GABPB2: variants seen among roughly 807,000 people sequenced by gnomAD.
GABPB2 encodes GA binding protein transcription factor subunit beta 2, also known as GA-binding protein subunit beta-2.
A neutral mutation model predicts 39.1 loss-of-function variants in GABPB2; 23 were observed. The observed-to-expected ratio is 0.59, with a 90% CI of 0.42 to 0.83. The LOEUF (loss-of-function observed/expected upper bound fraction) is 0.83, where lower values mean the gene tolerates loss of function less well. Ranked by LOEUF, GABPB2 falls within the 40% of genes least tolerant of loss-of-function variation. The pLI, the probability that GABPB2 is intolerant of heterozygous loss-of-function variation, is 0.00. For synonymous variants in GABPB2, 184 were observed against 199.3 expected, an observed-to-expected ratio of 0.92 and a Z score of 0.65; for missense variants, 467 against 541.1, an observed-to-expected ratio of 0.86 and a Z score of 1.36.
intron 2 of GABPB2, 121 bp from the exon 3 acceptor site, chr1:151,090,285 A>T: frequency 7.3e-6 from 7 of 958,806 alleles, no homozygotes; most frequent in Non-Finnish European, 9.1e-6. Context: ...TTTCAGTTTT[A>T]TCTGCCCAAC....
In GABPB2 at chr1:151,098,019, A is replaced by G. The variant is rs968026778; in HGVS notation, c.622+17A>G. 3 of 1,611,342 alleles carry G rather than the reference A, an allele frequency of 1.9e-6. No individual in the cohort carries two copies. The highest frequency in any genetic ancestry group is 2.5e-6 in the Non-Finnish European group (3 of 1,177,964). ...CAACCTCAGGTAATGTTCTGATAAC[A>G]TGAAATTTATTTTAGACTCAAAAAA... is the stretch of plus-strand genomic sequence containing the variant. On this transcript the variant is annotated intron_variant, in intron 5 of 8. Transcript: ENST00000368918.
rs148623396 is a variant in GABPB2 at position 151,103,640 on chromosome 1, C to A, written c.701C>A (p.Ala234Glu). The A allele has an allele frequency of 3.2e-5, 51 of 1,613,882 alleles. No individual in the cohort carries two copies. The highest frequency in any genetic ancestry group is 1.7e-6 in the Non-Finnish European group (2 of 1,179,888). ...GCTACCCTTGCAGCTCTTGCTGAGG[C>A]ATCAGTCCCCCTCTCCAACTCACAC... ...VLATLAALAE[A>E]SVPLSNSHRA... Residue 234 changes from alanine to glutamate, a missense_variant, in exon 6 of 9, where the codon GCA becomes GAA. Physicochemically the swap from Ala to Glu is moderately radical, Grantham distance 107 (BLOSUM62 -1). Transcript: ENST00000368918.
chr1:151,108,666 T>G (rs1304610535), intron 7 of GABPB2, among the ~76,000 whole-genome samples: 1 of 152,102 alleles, frequency 6.6e-6, no homozygotes, highest in African/African-American at 2.4e-5. Context: ...CATGCCCAGC[T>G]ATATTCAGAC....
rs948312408 is a variant in GABPB2 at position 151,104,861 on chromosome 1, C to A, written c.736+1186C>A. ...CTCTCTCTTTCTTTCTTTCTTTCTCCTTCCCTCCCTCCCTCTCTCTCTCTC... is the reference window on the plus strand; with the variant it reads ...CTCTCTCTTTCTTTCTTTCTTTCTCATTCCCTCCCTCCCTCTCTCTCTCTC... On this transcript the variant is annotated intron_variant, in intron 6 of 8. Coordinates refer to ENST00000368918, the MANE Select transcript of GABPB2 (RefSeq NM_144618.3). 7.6e-5 allele frequency among the ~76,000 whole-genome samples: 10 copies of A among 131,524 alleles called. No homozygotes were observed. The Admixed American group carries it at 8.4e-4, about 11-fold the overall frequency. 86.3% of individuals were successfully genotyped at this position (131,524 alleles called of 152,430 possible).
At chr1:151,090,623 T>A in intron 3 of GABPB2, 50 bp downstream of exon 3, 3 of 1,565,866 alleles carry the variant, frequency 1.9e-6, no homozygotes, top group Non-Finnish European at 2.6e-6. Context: ...GCATCCACTT[T>A]CCTGTTTTCT....
chr1:151,072,575 G>A (rs1398732098), intron 1 of GABPB2, among the ~76,000 whole-genome samples: 1 of 152,186 alleles, frequency 6.6e-6, no homozygotes, highest in Non-Finnish European at 1.5e-5. Context: ...GCCGGGCGTG[G>A]TGGCTCTGGC....
chr1:151,112,971 G>A (rs903721566), intron 7 of GABPB2, among the ~76,000 whole-genome samples: 2 of 151,552 alleles, frequency 1.3e-5, no homozygotes, highest in African/African-American at 2.4e-5. Flanking sequence ...TAGAGACAGG[G>A]TTTCACCATG....
At chr1:151,083,363 G>A (rs1392783470) in intron 1 of GABPB2, among the ~76,000 whole-genome samples, 1 of 152,206 alleles carries the variant, frequency 6.6e-6, no homozygotes, top group Non-Finnish European at 1.5e-5. Flanking sequence ...TGGGCGCGGT[G>A]GCTCACGCCT....
At chr1:151,082,076 C>CT (rs1215494134) in intron 1 of GABPB2, among the ~76,000 whole-genome samples, 2,670 of 131,574 alleles carry the variant, frequency 0.02, 91 homozygotes, top group African/African-American at 0.057. Flanking sequence ...ATTTCTTTTT[C>CT]TTTTTTTTTT....
At chr1:151,073,705 A>G (rs1383533376) in intron 1 of GABPB2, among the ~76,000 whole-genome samples, 1 of 151,986 alleles carries the variant, frequency 6.6e-6, no homozygotes, top group Admixed American at 6.6e-5. Flanking sequence ...GCAGATCACA[A>G]GGTCAGGAGT....
At chr1:151,074,910 G>A (rs1173782459) in intron 1 of GABPB2, among the ~76,000 whole-genome samples, 2 of 152,144 alleles carry the variant, frequency 1.3e-5, no homozygotes, top group Non-Finnish European at 2.9e-5. Flanking sequence ...GGAGGCCGAG[G>A]TGGGTGGATC....
In GABPB2 at chr1:151,080,130, G is replaced by A. The variant is rs137983935; in HGVS notation, c.1-8060G>A. On this transcript the variant is annotated intron_variant, in intron 1 of 8. Transcript: ENST00000368918. ...CTTGGGAGGCTGAGGTAGGAGAATC[G>A]CTTGAACTTTGGAGGCAGAGGTTGC... 7.7e-3 allele frequency among the ~76,000 whole-genome samples: 1,141 copies of A among 147,238 alleles called. 12 individuals are homozygous for A. The highest frequency in any genetic ancestry group is 0.025 in the African/African-American group (987 of 40,266).
chr1:151,115,383 G>T (rs1571996381), intron 7 of GABPB2, among the ~76,000 whole-genome samples: 1 of 145,026 alleles, frequency 6.9e-6, no homozygotes, highest in South Asian at 2.2e-4. Flanking sequence ...AAGAAAGAAA[G>T]AAACTGGCAA....
intron 2 of GABPB2, among the ~76,000 whole-genome samples, chr1:151,088,925 G>A (rs61819214): frequency 0.022 from 3,316 of 152,232 alleles, 51 homozygotes; most frequent in Admixed American, 0.042. Flanking sequence ...GCGTGAACTC[G>A]GGAGGTGGAG....
At chr1:151,090,294 A>C in intron 2 of GABPB2, 112 bp from the exon 3 acceptor site, 1 of 1,055,846 alleles carries the variant, frequency 9.5e-7, no homozygotes, top group East Asian at 2.6e-5. Context: ...TATCTGCCCA[A>C]CCAGATTCTC....
chr1:151,084,222 GTT>G (rs1239284760), intron 1 of GABPB2, among the ~76,000 whole-genome samples: 3 of 150,394 alleles, frequency 2.0e-5, no homozygotes, highest in Non-Finnish European at 3.0e-5. Flanking sequence ...GTTTTTTTTT[GTT>G]TGTTTGTTTT....
At position 151,120,374 on chromosome 1, in the gene GABPB2, G is replaced by T. The variant is rs1681137831; in HGVS notation, c.*2118G>T. 1 of 152,318 alleles carries T rather than the reference G, an allele frequency of 6.6e-6. No homozygotes were observed. Among genetic ancestry groups the T allele is most frequent in the East Asian group, 1.9e-4 (1 of 5,166 alleles). The allele number at this position is 152,318 out of a possible 1,614,324, so 9.4% of individuals were successfully genotyped here. A position where few individuals can be genotyped will look rare whatever the true frequency, so the allele number is the denominator to read the frequency against. ...AACAAAACAAAATTAGCTGGGTGTG[G>T]TGGCACATGCCTGTAATCCCAGCTA... On this transcript the variant is annotated 3_prime_UTR_variant, in exon 9 of 9. Transcript: ENST00000368918.
intron 1 of GABPB2, among the ~76,000 whole-genome samples, chr1:151,077,015 A>G (rs370636857): frequency 6.6e-6 from 1 of 151,594 alleles, no homozygotes; most frequent in Admixed American, 6.6e-5. Flanking sequence ...GGATGGTCTC[A>G]ATCTCCTGAC....
intron 3 of GABPB2, 40 bp downstream of exon 3, chr1:151,090,613 G>A (rs372788530): frequency 3.1e-6 from 5 of 1,590,296 alleles, no homozygotes; most frequent in South Asian, 2.2e-5. Flanking sequence ...TGTTAAAAAG[G>A]CATCCACTTT....
Sources: allele counts gnomAD v4.1 joint callset (sites outside exome capture counted in the v4.1 genomes callset), GRCh38; gene constraint gnomAD v4.1.1; transcripts MANE v1.5; gene names NCBI Gene and HGNC (gene_info 2026-07-23, HGNC 2026-07-21).